Variants in ATXN2 observed in about 807,000 individuals in gnomAD.
ATXN2 encodes ataxin 2, also known as ataxin-2.
Under a neutral mutation model 138.6 loss-of-function variants are expected in ATXN2, and 37 were observed. The ratio of observed to expected loss-of-function variants is 0.27; its 90% CI spans 0.21 to 0.35. ATXN2 has a LOEUF of 0.35. Ranked by LOEUF, ATXN2 falls within the 10% of genes least tolerant of loss-of-function variation. The pLI is 1.00. For missense variants in ATXN2, 1,216 were observed against 1,480.3 expected (o/e 0.82, Z 2.93); for synonymous variants, 549 against 543.7 (o/e 1.01, Z -0.13).
rs139118293 is a variant in ATXN2 at position 111,538,995 on chromosome 12, G to C, written c.571+13285C>G. The stretch of plus-strand genomic sequence containing the variant: ...GACAGATTCCACGTACGTAATACTA[G>C]ATTGCTGATTCCCACACTATCTCCT... On this transcript the variant is annotated intron_variant, in intron 5 of 24. Transcript: ENST00000673436. 7.1e-3 allele frequency among the ~76,000 whole-genome samples: 1,062 copies of C among 150,214 alleles called. 80 individuals carry two copies. The highest frequency in any genetic ancestry group is 0.011 in the Non-Finnish European group (756 of 67,036).
intron 5 of ATXN2, among the ~76,000 whole-genome samples, chr12:111,547,673 G>C (rs1014712533): frequency 1.3e-5 from 2 of 148,458 alleles, no homozygotes; most frequent in Non-Finnish European, 3.0e-5. Context: ...TGCAGTGAGC[G>C]AAGATTGCAC....
Position 111,599,040 on chromosome 12 carries a change from G to A in ATXN2, c.-6C>T, listed in dbSNP as rs775946623. The A allele has an allele frequency of 4.7e-6, 7 of 1,490,008 alleles. No individual in the cohort carries two copies. Among genetic ancestry groups the A allele is most frequent in the Middle Eastern group, 2.2e-4 (1 of 4,450 alleles). 92.3% of individuals were successfully genotyped at this position (1,490,008 alleles called of 1,614,324 possible). Reference sequence around the variant, plus strand: ...TGCTGGGGCTTCAGCGACATGGTGAGGGGCCCATACACCGGCTCGCACGCC... The same window carrying A: ...TGCTGGGGCTTCAGCGACATGGTGAAGGGCCCATACACCGGCTCGCACGCC... On this transcript the variant is annotated 5_prime_UTR_variant, in exon 1 of 25. Coordinates refer to ENST00000673436, the MANE Select transcript of ATXN2 (RefSeq NM_001372574.1).
rs1438943860 is a variant in ATXN2, at chr12:111,510,589, G to A, written c.1559-7C>T. 2.5e-6 allele frequency: 4 copies of A among 1,594,116 alleles called. No homozygotes were observed. The highest frequency in any genetic ancestry group is 2.7e-5 in the African/African-American group (2 of 74,284). On this transcript the variant is annotated splice_polypyrimidine_tract_variant and splice_region_variant and intron_variant, in intron 11 of 24. Coordinates refer to ENST00000673436, the MANE Select transcript of ATXN2 (RefSeq NM_001372574.1). ...TTAGGGGATAATCTTGGAACTAGAA[G>A]AAAGGGAAAATGTATTTATTACATT... is the stretch of plus-strand genomic sequence containing the variant.
chr12:111,550,279 A>G (rs1246385244), intron 5 of ATXN2, among the ~76,000 whole-genome samples: 2 of 152,182 alleles, frequency 1.3e-5, no homozygotes, highest in Non-Finnish European at 2.9e-5. Flanking sequence ...AAGATCTAAT[A>G]AAGTAATAAA....
At chr12:111,513,650 A>C in intron 10 of ATXN2, 111 bp from the exon 11 acceptor site, 6 of 868,616 alleles carry the variant, frequency 6.9e-6, no homozygotes, top group Non-Finnish European at 9.4e-6. Context: ...CTCACTCTAC[A>C]GTTTTTCCTT....
chr12:111,580,674 AG>A (rs1181790698), intron 1 of ATXN2, among the ~76,000 whole-genome samples: 10 of 13,062 alleles, frequency 7.7e-4, no homozygotes, highest in African/African-American at 1.0e-3. Context: ...AAGGGGAGGG[AG>A]GGGGGGAGAG....
chr12:111,529,264 T>G (rs1880674174), intron 5 of ATXN2, among the ~76,000 whole-genome samples: 1 of 152,176 alleles, frequency 6.6e-6, no homozygotes, highest in South Asian at 2.1e-4. Context: ...ACCAATGCCA[T>G]AAGTCAAAGA....
intron 1 of ATXN2, among the ~76,000 whole-genome samples, chr12:111,579,499 T>A (rs1192244572): frequency 6.6e-6 from 1 of 151,982 alleles, no homozygotes; most frequent in Non-Finnish European, 1.5e-5. Context: ...CAACCTTAGG[T>A]GATCCGCCTG....
intron 14 of ATXN2, among the ~76,000 whole-genome samples, chr12:111,490,498 G>C (rs540373600): frequency 1.1e-4 from 16 of 152,226 alleles, no homozygotes; most frequent in African/African-American, 3.4e-4. Context: ...ATATTGGTCA[G>C]TTAGACATTC....
intron 1 of ATXN2, among the ~76,000 whole-genome samples, chr12:111,572,841 T>G (rs1281144324): frequency 6.6e-6 from 1 of 152,152 alleles, no homozygotes; most frequent in Non-Finnish European, 1.5e-5. Context: ...GCAAGTGAGT[T>G]CCATACTCTA....
intron 5 of ATXN2, among the ~76,000 whole-genome samples, chr12:111,539,782 G>T (rs2135768105): frequency 6.7e-6 from 1 of 149,924 alleles, no homozygotes; most frequent in South Asian, 2.1e-4. Context: ...AAAGAAAAAA[G>T]AAGAAAATGA....
chr12:111,576,189 A>C (rs1883638176), intron 1 of ATXN2, among the ~76,000 whole-genome samples: 1 of 152,056 alleles, frequency 6.6e-6, no homozygotes, highest in Non-Finnish European at 1.5e-5. Flanking sequence ...CACACCTATA[A>C]TTCCGCCACT....
chr12:111,456,139 G>T lies in ATXN2; in HGVS notation c.3160C>A (p.Gln1054Lys). 6.2e-7 allele frequency: 1 copy of T among 1,614,244 alleles called. No homozygotes were observed. The highest frequency in any genetic ancestry group is 1.3e-5 in the African/African-American group (1 of 75,062). The change falls in exon 23 of 25, where the codon CAG (glutamine) becomes AAG (lysine). Residue 1054 changes from glutamine to lysine, a missense_variant. Coordinates refer to ENST00000673436, the MANE Select transcript of ATXN2 (RefSeq NM_001372574.1). ...PPSMTPASNT[Q>K]SPQNSFPAAQ... ...GCTGGGAAACTATTCTGTGGCGACT[G>T]CGTGTTGGAGGCAGGTGTCATGGAG... is the stretch of plus-strand genomic sequence containing the variant.
chr12:111,547,942 C>T (rs1453308330), intron 5 of ATXN2, among the ~76,000 whole-genome samples: 1 of 150,594 alleles, frequency 6.6e-6, no homozygotes, highest in Non-Finnish European at 1.5e-5. Flanking sequence ...CCTACAATCC[C>T]AGCAATTTGG....
intron 10 of ATXN2, 47 bp from the exon 11 acceptor site, chr12:111,513,586 A>C (rs776901705): frequency 2.6e-6 from 4 of 1,548,990 alleles, no homozygotes; most frequent in Non-Finnish European, 1.7e-6. Context: ...GATATTCATC[A>C]GTACTACTTT....
At chr12:111,582,938 G>A (rs1307469708) in intron 1 of ATXN2, among the ~76,000 whole-genome samples, 1 of 149,962 alleles carries the variant, frequency 6.7e-6, no homozygotes, top group Non-Finnish European at 1.5e-5. Flanking sequence ...AAAGTGCTGG[G>A]ATTACAGGCA....
At chr12:111,535,564 G>A (rs1197089005) in intron 5 of ATXN2, among the ~76,000 whole-genome samples, 1 of 152,104 alleles carries the variant, frequency 6.6e-6, no homozygotes, top group South Asian at 2.1e-4. Flanking sequence ...AGAGGTTGTG[G>A]TGAGCCAAGA....
chr12:111,539,508 G>C (rs544985238), intron 5 of ATXN2, among the ~76,000 whole-genome samples: 62 of 150,468 alleles, frequency 4.1e-4, no homozygotes, highest in African/African-American at 1.4e-3. Flanking sequence ...AGCACTTTGG[G>C]AGGCCGAGGC....
chr12:111,559,735 T>C (rs1040961654), intron 1 of ATXN2, among the ~76,000 whole-genome samples: 3 of 143,550 alleles, frequency 2.1e-5, no homozygotes, highest in African/African-American at 2.6e-5. Flanking sequence ...ATCGTGCCAC[T>C]GCACTCCAGC....
Sources: allele counts gnomAD v4.1 joint callset (sites outside exome capture counted in the v4.1 genomes callset), GRCh38; gene constraint gnomAD v4.1.1; transcripts MANE v1.5; gene names NCBI Gene and HGNC (gene_info 2026-07-23, HGNC 2026-07-21).